The following AHI1 variants were observed in gnomAD, a reference collection of about 807,000 sequenced individuals.
AHI1 encodes Abelson helper integration site 1.
In AHI1, 123 loss-of-function variants were observed where a neutral mutation model predicts 149.3. The ratio of observed to expected loss-of-function variants is 0.82; its 90% CI spans 0.71 to 0.96. The LOEUF is 0.96. Among genes scored for constraint, AHI1 ranks in the 40% least tolerant of loss-of-function variants. The pLI is 0.00. For missense variants in AHI1, 1,439 were observed against 1,422.7 expected, an observed-to-expected ratio of 1.01 and a Z score of -0.18; for synonymous variants, 475 against 459.8, an observed-to-expected ratio of 1.03 and a Z score of -0.42.
At chr6:135,324,551 C>T (rs920917175) in intron 24 of AHI1, among the ~76,000 whole-genome samples, 10 of 144,808 alleles carry the variant, frequency 6.9e-5, no homozygotes, top group African/African-American at 2.0e-4. Context: ...GTTATATATA[C>T]ATATATATAT....
chr6:135,313,598 T>A (rs1785508562), intron 26 of AHI1, among the ~76,000 whole-genome samples: 1 of 152,164 alleles, frequency 6.6e-6, no homozygotes, highest in African/African-American at 2.4e-5. Context: ...AGCATGGAGA[T>A]CACTCTATGA....
At chr6:135,429,836 A>T in intron 18 of AHI1, 46 bp downstream of exon 18, 1 of 1,112,876 alleles carries the variant, frequency 9.0e-7, no homozygotes, top group Non-Finnish European at 1.3e-6. Flanking sequence ...TTAATTCATT[A>T]CTTACTCTGT....
intron 11 of AHI1, among the ~76,000 whole-genome samples, chr6:135,449,714 C>T (rs1435288647): frequency 6.6e-6 from 1 of 152,104 alleles, no homozygotes; most frequent in East Asian, 1.9e-4. Flanking sequence ...GCAAGAAAGG[C>T]TCTAAGATAG....
intron 23 of AHI1, among the ~76,000 whole-genome samples, chr6:135,389,306 C>T (rs1462599831): frequency 1.7e-5 from 2 of 118,550 alleles, no homozygotes; most frequent in Non-Finnish European, 3.4e-5. Context: ...AAGACTCTGT[C>T]TAAAAAAAAA....
chr6:135,452,224 C>T (rs1192722572), intron 11 of AHI1, among the ~76,000 whole-genome samples: 1 of 152,164 alleles, frequency 6.6e-6, no homozygotes, highest in South Asian at 2.1e-4. Flanking sequence ...TTTTATAGAT[C>T]ATATTTGTTG....
At chr6:135,441,314 GAA>G (rs1786260778) in intron 14 of AHI1, among the ~76,000 whole-genome samples, 2 of 152,000 alleles carry the variant, frequency 1.3e-5, no homozygotes, top group Non-Finnish European at 2.9e-5. Context: ...AAGAAAAATA[GAA>G]AAGTTTCAGA....
At chr6:135,335,123 C>T (rs1789184961) in intron 24 of AHI1, among the ~76,000 whole-genome samples, 1 of 152,102 alleles carries the variant, frequency 6.6e-6, no homozygotes. Context: ...ACGAAATTAA[C>T]CTACTCTTGC....
chr6:135,319,829 T>C (rs993917229), intron 25 of AHI1, among the ~76,000 whole-genome samples: 6 of 152,172 alleles, frequency 3.9e-5, no homozygotes, highest in Non-Finnish European at 8.8e-5. Context: ...TTAGATGTGA[T>C]GGGGGAAGCT....
intron 26 of AHI1, 38 bp downstream of exon 26, chr6:135,318,481 A>G (rs1330325518): frequency 3.9e-6 from 5 of 1,272,662 alleles, no homozygotes; most frequent in Non-Finnish European, 5.6e-6. Flanking sequence ...AGTGAAAATC[A>G]AAGTACATAT....
chr6:135,331,609 A>G (rs1451728797), intron 24 of AHI1, among the ~76,000 whole-genome samples: 1 of 152,214 alleles, frequency 6.6e-6, no homozygotes. Flanking sequence ...GGGAACACCA[A>G]CCAGTAGAGT....
chr6:135,289,508 C>A (rs1447932104), intron 28 of AHI1, among the ~76,000 whole-genome samples: 13 of 151,140 alleles, frequency 8.6e-5, no homozygotes, highest in South Asian at 6.3e-4. Context: ...ACAACAACAA[C>A]AAAAAAAAGA....
rs1423047158 is a variant in AHI1, at chr6:135,497,642, C to T, written c.-261G>A. 1 of 161,830 alleles carries T rather than the reference C, an allele frequency of 6.2e-6. No homozygotes were observed. The highest frequency in any genetic ancestry group is 1.4e-5 in the Non-Finnish European group (1 of 72,876). The allele number at this position is 161,830 out of a possible 1,614,324, so 10.0% of individuals were successfully genotyped here. On this transcript the variant is annotated 5_prime_UTR_variant, in exon 1 of 29. Coordinates refer to ENST00000265602, the MANE Select transcript of AHI1 (RefSeq NM_001134831.2). ...AGCCGACACCCGGAGCAGTGCAAATCAACTCCCCCAGCCTAGCGGCGCGTG... is the reference window on the plus strand; with the variant it reads ...AGCCGACACCCGGAGCAGTGCAAATTAACTCCCCCAGCCTAGCGGCGCGTG...
intron 26 of AHI1, among the ~76,000 whole-genome samples, chr6:135,317,973 C>T (rs1786229632): frequency 1.3e-5 from 2 of 152,328 alleles, no homozygotes; most frequent in Admixed American, 1.3e-4. Context: ...CTGCTAACAA[C>T]AGAAGAATAC....
chr6:135,451,671 T>C (rs762107954), intron 11 of AHI1, among the ~76,000 whole-genome samples: 1 of 152,046 alleles, frequency 6.6e-6, no homozygotes, highest in Non-Finnish European at 1.5e-5. Flanking sequence ...AATAAATAAA[T>C]AAAAATCCAT....
intron 24 of AHI1, among the ~76,000 whole-genome samples, chr6:135,345,449 A>C (rs1791051538): frequency 6.6e-6 from 1 of 152,204 alleles, no homozygotes; most frequent in Non-Finnish European, 1.5e-5. Flanking sequence ...AATGGATAAA[A>C]AATGTAGCAT....
intron 24 of AHI1, among the ~76,000 whole-genome samples, chr6:135,338,141 T>C (rs865978661): frequency 1.3e-4 from 19 of 151,002 alleles, no homozygotes; most frequent in Admixed American, 3.9e-4. Context: ...CTACTAATAA[T>C]ACAAAAAAAA....
In AHI1 at chr6:135,302,249, A is replaced by T. The variant is rs1783970235; in HGVS notation, c.3427-1691T>A. The stretch of plus-strand genomic sequence containing the variant: ...ATATAGGTATATATGAAACTTGATA[A>T]AACTTTTCAAAAAACTCAACATTAA... On this transcript the variant is annotated intron_variant, in intron 26 of 28. Coordinates refer to ENST00000265602, the MANE Select transcript of AHI1 (RefSeq NM_001134831.2). 8 of 985,508 alleles carry T rather than the reference A, an allele frequency of 8.1e-6. No individual in the cohort carries two copies. In the South Asian group the frequency reaches 2.8e-4, roughly 35 times the overall value. 61.0% of individuals were successfully genotyped at this position (985,508 alleles called of 1,614,324 possible). A position where few individuals can be genotyped will look rare whatever the true frequency, so the allele number is the denominator to read the frequency against.
intron 5 of AHI1, among the ~76,000 whole-genome samples, chr6:135,481,815 T>TGTCTC (rs1793696928): frequency 1.3e-5 from 2 of 148,714 alleles, no homozygotes; most frequent in Admixed American, 1.3e-4. Context: ...AGGAGACATA[T>TGTCTC]CTTGCAAAAA....
chr6:135,388,157 T>TAGG, intron 23 of AHI1: 14 of 1,049,214 alleles, frequency 1.3e-5, no homozygotes, highest in Non-Finnish European at 1.8e-5. Flanking sequence ...AGATTACCTA[T>TAGG]TAATCTACAA....
Sources: allele counts gnomAD v4.1 joint callset (sites outside exome capture counted in the v4.1 genomes callset), GRCh38; gene constraint gnomAD v4.1.1; transcripts MANE v1.5; gene names NCBI Gene and HGNC (gene_info 2026-07-23, HGNC 2026-07-21).